The following DUOX2 variants were observed in gnomAD, a reference collection of about 807,000 sequenced individuals.
DUOX2 encodes NADH/NADPH thyroid oxidase p138-tox.
A neutral mutation model predicts 183.3 loss-of-function variants in DUOX2; 185 were observed. The observed-to-expected ratio is 1.01, with a 90% CI of 0.90 to 1.14. The LOEUF (loss-of-function observed/expected upper bound fraction) is 1.14, where lower values mean the gene tolerates loss of function less well. Ranked by LOEUF, DUOX2 falls within the 50% of genes most tolerant of loss-of-function variation. DUOX2 has a pLI of 0.00. For missense variants in DUOX2, 1,999 were observed against 2,022.9 expected, an observed-to-expected ratio of 0.99 and a Z score of 0.23; for synonymous variants, 788 against 812.4, an observed-to-expected ratio of 0.97 and a Z score of 0.51.
rs189714805 is a variant in DUOX2 at position 45,102,997 on chromosome 15, A to C, written c.2654+963T>G. 3.9e-5 allele frequency among the ~76,000 whole-genome samples: 6 copies of C among 152,154 alleles called. No homozygotes were observed. In the East Asian group the frequency reaches 1.2e-3, roughly 29 times the overall value. The stretch of plus-strand genomic sequence containing the variant: ...TCCGTCTCAAAACAAACAAACAAAC[A>C]AACCAAAAAAAGAAGGTGGGAACTC... On this transcript the variant is annotated intron_variant, in intron 20 of 33. Transcript: ENST00000389039.
chr15:45,109,448 C>G (rs1894318687), intron 11 of DUOX2, 76 bp downstream of exon 11: 27 of 1,282,330 alleles, frequency 2.1e-5, no homozygotes. Flanking sequence ...CGCCCTAGGT[C>G]TGCTATTGAT....
At chr15:45,100,301 G>A in intron 23 of DUOX2, 73 bp from the exon 24 acceptor site, 3 of 1,451,436 alleles carry the variant, frequency 2.1e-6, no homozygotes, top group Non-Finnish European at 2.8e-6. Flanking sequence ...CTCCATGAAA[G>A]GTGACCTGGG....
Position 45,093,814 on chromosome 15 carries a change from G to A in DUOX2, c.*336C>T, listed in dbSNP as rs1158726356. 1 of 340,900 alleles carries A rather than the reference G, an allele frequency of 2.9e-6. No individual in the cohort carries two copies. The highest frequency in any genetic ancestry group is 2.8e-5 in the South Asian group (1 of 35,378). The allele number at this position is 340,900 out of a possible 1,614,324, so 21.1% of individuals were successfully genotyped here. On this transcript the variant is annotated 3_prime_UTR_variant, in exon 34 of 34. Coordinates refer to ENST00000389039, the MANE Select transcript of DUOX2 (RefSeq NM_001363711.2). Reference sequence around the variant, plus strand: ...GCTTGCCACGCCTGCCATGGCTTGAGCTGGGGTGAGGAGTGGTCTTTATCT... The same window carrying A: ...GCTTGCCACGCCTGCCATGGCTTGAACTGGGGTGAGGAGTGGTCTTTATCT...
chr15:45,112,667 TGATACACACCGTC>T lies in DUOX2; in HGVS notation c.199_211del (p.Asp67ArgfsTer22). 2 of 1,612,844 alleles carry T rather than the reference TGATACACACCGTC, an allele frequency of 1.2e-6. No homozygotes were observed. Among genetic ancestry groups the T allele is most frequent in the Non-Finnish European group, 1.7e-6 (2 of 1,179,916 alleles). On this transcript the variant is annotated frameshift_variant, in exon 4 of 34. Coordinates refer to ENST00000389039, the MANE Select transcript of DUOX2 (RefSeq NM_001363711.2). LOFTEE classifies it high-confidence loss of function. Reference sequence around the variant, plus strand: ...GGGCAGCTGCGGCTCCTCCAGAGCCTGATACACACCGTCGGCGTAATTGGCTGGTACGCGGCGC... The same window carrying T: ...GGGCAGCTGCGGCTCCTCCAGAGCCTGGCGTAATTGGCTGGTACGCGGCGC...
Position 45,093,656 on chromosome 15 carries a change from C to G in DUOX2, c.*494G>C, listed in dbSNP as rs996584487. ...CCTCCTCCTCCCTCAAATGTCAGTC[C>G]AAGCAAATACCAAAGCAACGCATCG... On this transcript the variant is annotated 3_prime_UTR_variant, in exon 34 of 34. Coordinates refer to ENST00000389039, the MANE Select transcript of DUOX2 (RefSeq NM_001363711.2). The G allele has an allele frequency of 5.6e-6, 1 of 178,962 alleles. No individual in the cohort carries two copies. Among genetic ancestry groups the G allele is most frequent in the African/African-American group, 2.3e-5 (1 of 42,768 alleles). The allele number at this position is 178,962 out of a possible 1,614,324, so 11.1% of individuals were successfully genotyped here.
intron 20 of DUOX2, among the ~76,000 whole-genome samples, chr15:45,103,066 C>T (rs181347911): frequency 2.0e-5 from 3 of 152,334 alleles, no homozygotes; most frequent in Admixed American, 6.5e-5. Flanking sequence ...CCTTGAGCCT[C>T]ACCTCGGGCT....
intron 26 of DUOX2, chr15:45,099,001 G>A: frequency 3.5e-6 from 1 of 284,226 alleles, no homozygotes; most frequent in South Asian, 3.9e-5. Flanking sequence ...ATTGTGCCCT[G>A]CCTATTTCTT....
rs199138 is a variant in DUOX2 at position 45,095,352 on chromosome 15, A to G, written c.4239+85T>C. On this transcript the variant is annotated intron_variant, in intron 31 of 33. Coordinates refer to ENST00000389039, the MANE Select transcript of DUOX2 (RefSeq NM_001363711.2). The stretch of plus-strand genomic sequence containing the variant: ...TTCAGACTCAGTTCCTGGAGCCAGG[A>G]GCTTTCTCTCATGCTCCACCACTTG... 1,407,044 of 1,582,030 alleles carry G rather than the reference A, an allele frequency of 0.89. 645,037 individuals are homozygous for G. Among genetic ancestry groups the G allele is most frequent in the East Asian group, 0.94 (42,149 of 44,724 alleles).
At chr15:45,112,509 G>A in intron 4 of DUOX2, 45 bp downstream of exon 4, 1 of 1,604,162 alleles carries the variant, frequency 6.2e-7, no homozygotes, top group African/African-American at 1.3e-5. Context: ...CCCAGGCTGA[G>A]CAGAGCGCCA....
rs781544455 is a variant in DUOX2, at chr15:45,108,872, G to A, written c.1315C>T (p.Pro439Ser). Residue 439 changes from proline to serine, a missense_variant, in exon 12 of 34, where the codon CCC becomes TCC. Coordinates refer to ENST00000389039, the MANE Select transcript of DUOX2 (RefSeq NM_001363711.2). ...SIQRGRDMGL[P>S]SYSQALLAFG... ...GCCAGCAGGGCCTGGCTATAGCTGG[G>A]CAGCCCCATATCTCGGCCACGTTGG... is the stretch of plus-strand genomic sequence containing the variant. The A allele has an allele frequency of 6.2e-7, 1 of 1,614,234 alleles. No homozygotes were observed. Among genetic ancestry groups the A allele is most frequent in the South Asian group, 1.1e-5 (1 of 91,074 alleles).
rs768586987 is a variant in DUOX2, at chr15:45,095,420, G to C, written c.4239+17C>G. ...GCCACCTATGCCCCATTTGATGAAT[G>C]AGGGAGGGATGCTCACCTTCTTACA... On this transcript the variant is annotated intron_variant, in intron 31 of 33. Coordinates refer to ENST00000389039, the MANE Select transcript of DUOX2 (RefSeq NM_001363711.2). The C allele has an allele frequency of 6.2e-7, 1 of 1,614,152 alleles. No homozygotes were observed. Among genetic ancestry groups the C allele is most frequent in the South Asian group, 1.1e-5 (1 of 91,080 alleles).
chr15:45,112,476 C>T, intron 4 of DUOX2, 78 bp downstream of exon 4: 1 of 1,570,252 alleles, frequency 6.4e-7, no homozygotes, highest in Non-Finnish European at 8.7e-7. Flanking sequence ...CCTGTGGACT[C>T]GCAGACGGGA....
chr15:45,109,867 C>G (rs765417498), intron 10 of DUOX2, 23 bp downstream of exon 10: 32 of 1,611,642 alleles, frequency 2.0e-5, no homozygotes, highest in Non-Finnish European at 2.5e-5. Flanking sequence ...CCCATCTTCC[C>G]CTGACCCTGA....
chr15:45,110,619 G>T (rs767128422), intron 8 of DUOX2, 31 bp downstream of exon 8: 1 of 1,613,416 alleles, frequency 6.2e-7, no homozygotes, highest in East Asian at 2.2e-5. Flanking sequence ...AGGATTCTCC[G>T]CACAGGTGTC....
chr15:45,093,646 A>T lies in DUOX2; in HGVS notation c.*504T>A, dbSNP rs1434034829. On this transcript the variant is annotated 3_prime_UTR_variant, in exon 34 of 34. Coordinates refer to ENST00000389039, the MANE Select transcript of DUOX2 (RefSeq NM_001363711.2). ...AGGATCCCAGCCTCCTCCTCCCTCA[A>T]ATGTCAGTCCAAGCAAATACCAAAG... The T allele has an allele frequency of 5.8e-6, 1 of 173,732 alleles. No individual in the cohort carries two copies. The highest frequency in any genetic ancestry group is 1.5e-4 in the East Asian group (1 of 6,692). The allele number at this position is 173,732 out of a possible 1,614,324, so 10.8% of individuals were successfully genotyped here. A position where few individuals can be genotyped will look rare whatever the true frequency, so the allele number is the denominator to read the frequency against.
rs201788208 is a variant in DUOX2 at position 45,111,545 on chromosome 15, T to C, written c.554A>G (p.Tyr185Cys). ...GTCGCTCCAGGAGTGCGAGGAGCCATAGATGGCGCTGCCGTCCAGCCAGCC... is the reference window on the plus strand; with the variant it reads ...GTCGCTCCAGGAGTGCGAGGAGCCACAGATGGCGCTGCCGTCCAGCCAGCC... Reference protein sequence around the residue: ...VTGWLDGSAIYGSSHSWSDAL... With the variant: ...VTGWLDGSAICGSSHSWSDAL... Residue 185 changes from tyrosine (Y) to cysteine (C), a missense_variant, in exon 6 of 34, where the codon TAT becomes TGT. Tyr to Cys is a radical substitution (Grantham distance 194). Around this residue, in one of 3 missense-constraint regions of DUOX2, gnomAD observed 356 missense variants for 356.4 expected, o/e 1.00. Transcript: ENST00000389039. 7.6e-5 allele frequency: 118 copies of C among 1,553,456 alleles called. 6 individuals are homozygous for C. In the African/African-American group the frequency reaches 1.5e-3, roughly 19 times the overall value.
rs1894370201 is a variant in DUOX2 at position 45,110,764 on chromosome 15, G to A, written c.883-54C>T. 5 of 1,611,206 alleles carry A rather than the reference G, an allele frequency of 3.1e-6. No homozygotes were observed. In the African/African-American group the frequency reaches 6.7e-5, roughly 22 times the overall value. On this transcript the variant is annotated intron_variant, in intron 7 of 33. Transcript: ENST00000389039. The stretch of plus-strand genomic sequence containing the variant: ...CACAAGTTGGATGGTGTGGGGCCTG[G>A]AAGGGTCTGAGCCCAAGGACGGCTT...
chr15:45,103,867 C>T, intron 20 of DUOX2, 93 bp downstream of exon 20: 1 of 1,342,898 alleles, frequency 7.4e-7, no homozygotes, highest in South Asian at 1.2e-5. Context: ...CAGATGACCA[C>T]AGAGCCTCTT....
rs369286028 is a variant in DUOX2, at chr15:45,101,294, G to T, written c.2852-20C>A. The T allele has an allele frequency of 1.2e-6, 2 of 1,607,456 alleles. No individual in the cohort carries two copies. Among genetic ancestry groups the T allele is most frequent in the African/African-American group, 2.7e-5 (2 of 74,936 alleles). ...TAATACCTAGAGAAAAGAACAAGAGGCAGGACTGGCTTCCCCACAAGGGCA... is the reference window on the plus strand; with the variant it reads ...TAATACCTAGAGAAAAGAACAAGAGTCAGGACTGGCTTCCCCACAAGGGCA... On this transcript the variant is annotated intron_variant, in intron 21 of 33. Transcript: ENST00000389039.
Sources: gnomAD v4.1 joint callset for allele counts (sites outside exome capture counted in the v4.1 genomes callset) on GRCh38, gnomAD v4.1.1 for gene constraint, gnomAD v4.1.1 regional missense constraint, MANE v1.5 for transcripts, NCBI Gene and HGNC (gene_info 2026-07-23, HGNC 2026-07-21) for gene names.